The following OGFOD1 variants were observed in gnomAD, a reference collection of about 807,000 sequenced individuals.
OGFOD1 encodes the protein 2-oxoglutarate and iron dependent oxygenase domain containing 1.
A neutral mutation model predicts 67.7 loss-of-function variants in OGFOD1; 54 were observed. The observed-to-expected ratio is 0.80, with a 90% CI of 0.64 to 1.00. The LOEUF (loss-of-function observed/expected upper bound fraction) is 1.00, where lower values mean the gene tolerates loss of function less well. Ranked by LOEUF, OGFOD1 falls within the 50% of genes least tolerant of loss-of-function variation. The pLI, the probability that OGFOD1 is intolerant of heterozygous loss-of-function variation, is 0.00. For missense variants in OGFOD1, 606 were observed against 646.7 expected, an observed-to-expected ratio of 0.94 and a Z score of 0.68; for synonymous variants, 221 against 227.0, an observed-to-expected ratio of 0.97 and a Z score of 0.24.
intron 11 of OGFOD1, 26 bp downstream of exon 11, chr16:56,474,976 G>T (rs1463917305): frequency 6.2e-7 from 1 of 1,611,302 alleles, no homozygotes; most frequent in Admixed American, 1.7e-5. Flanking sequence ...GCAAGCGGTG[G>T]ATTATTCCCC....
chr16:56,470,369 C>CT, intron 9 of OGFOD1, 118 bp from the exon 10 acceptor site: 2 of 944,596 alleles, frequency 2.1e-6, no homozygotes, highest in Middle Eastern at 6.9e-4. Flanking sequence ...TAACTTGTGC[C>CT]TTAGTAAGCT....
At chr16:56,462,361 A>G (rs1264687025) in intron 3 of OGFOD1, among the ~76,000 whole-genome samples, 173 bp from the exon 4 acceptor site, 2 of 152,210 alleles carry the variant, frequency 1.3e-5, no homozygotes, top group East Asian at 3.8e-4. Flanking sequence ...GACTTAAACT[A>G]TGCAAATTTG....
At position 56,476,058 on chromosome 16, in the gene OGFOD1, T is replaced by C. The variant is rs748084781; in HGVS notation, c.1482T>C (p.Asn494=). Residue 494 remains asparagine (N), a synonymous_variant, in exon 13 of 13, where the codon AAT becomes AAC. Transcript: ENST00000566157. ...GTCTTTTTCAGCTGCTAACAGTGAA[T>C]CCAGAAAGCAATTCTTTGGCATTGG... ...KGEDEELLTV[N]PESNSLALVY... 6.2e-7 allele frequency: 1 copy of C among 1,611,868 alleles called. No individual in the cohort carries two copies. The highest frequency in any genetic ancestry group is 8.5e-7 in the Non-Finnish European group (1 of 1,179,328).
At chr16:56,453,048 A>C (rs1448344460) in intron 1 of OGFOD1, among the ~76,000 whole-genome samples, 1 of 152,240 alleles carries the variant, frequency 6.6e-6, no homozygotes, top group African/African-American at 2.4e-5. Context: ...ACTCATCTCA[A>C]GGACTGGAGT....
chr16:56,467,095 G>A, intron 6 of OGFOD1, 70 bp from the exon 7 acceptor site: 1 of 1,604,290 alleles, frequency 6.2e-7, no homozygotes, highest in Non-Finnish European at 8.5e-7. Flanking sequence ...GGAGGACCCT[G>A]AAATTAATGT....
intron 8 of OGFOD1, 139 bp downstream of exon 8, chr16:56,468,157 C>A: frequency 1.6e-6 from 1 of 608,252 alleles, no homozygotes. Context: ...TCAAGTGAAA[C>A]ATAGAAATGA....
At position 56,453,228 on chromosome 16, in the gene OGFOD1, GA is replaced by G. The variant is rs772900220; in HGVS notation, c.155-29del. 17 of 1,584,456 alleles carry G rather than the reference GA, an allele frequency of 1.1e-5. No individual in the cohort carries two copies. The East Asian group carries it at 3.6e-4, about 33-fold the overall frequency. ...TACTTGGATGTCAAAAATACAAAAGGAAAAAAGCCATAGATAATGTTTTTCT... is the reference window on the plus strand; with the variant it reads ...TACTTGGATGTCAAAAATACAAAAGGAAAAAGCCATAGATAATGTTTTTCT... On this transcript the variant is annotated intron_variant, in intron 1 of 12. Transcript: ENST00000566157.
intron 4 of OGFOD1, among the ~76,000 whole-genome samples, chr16:56,464,982 A>C (rs954639587): frequency 6.6e-6 from 1 of 151,228 alleles, no homozygotes; most frequent in Admixed American, 6.6e-5. Flanking sequence ...ACACACATAC[A>C]TTTACATTTG....
At chr16:56,469,354 T>G (rs1381959929) in intron 8 of OGFOD1, among the ~76,000 whole-genome samples, 1 of 152,116 alleles carries the variant, frequency 6.6e-6, no homozygotes, top group African/African-American at 2.4e-5. Context: ...CCTCAAAACA[T>G]CTTGTGAGTT....
In OGFOD1 at chr16:56,476,202, A is replaced by ATGAC. The variant is rs1265958147; in HGVS notation, c.1627_*1dup. 6.2e-7 allele frequency: 1 copy of ATGAC among 1,610,242 alleles called. No homozygotes were observed. The highest frequency in any genetic ancestry group is 8.5e-7 in the Non-Finnish European group (1 of 1,179,486). On this transcript the variant is annotated frameshift_variant and stop_retained_variant, in exon 13 of 13. Transcript: ENST00000566157. LOFTEE classifies it high-confidence loss of function. ...GGGACTTTTCATTCATCTATTATGAATGACAGCACTGGGCAAAGCTGAACA... is the reference window on the plus strand; with the variant it reads ...GGGACTTTTCATTCATCTATTATGAATGACTGACAGCACTGGGCAAAGCTGAACA...
At chr16:56,460,993 T>C (rs1204595021) in intron 3 of OGFOD1, among the ~76,000 whole-genome samples, 1 of 152,226 alleles carries the variant, frequency 6.6e-6, no homozygotes, top group East Asian at 1.9e-4. Flanking sequence ...TCTATTGGTA[T>C]CCTGTTAGCA....
chr16:56,456,015 A>G (rs911458320), intron 2 of OGFOD1, among the ~76,000 whole-genome samples: 2 of 152,216 alleles, frequency 1.3e-5, no homozygotes, highest in African/African-American at 2.4e-5. Flanking sequence ...CTCTCCTGTC[A>G]GTCTCTGGTA....
At chr16:56,460,854 G>A (rs949642618) in intron 3 of OGFOD1, among the ~76,000 whole-genome samples, 6 of 152,156 alleles carry the variant, frequency 3.9e-5, no homozygotes, top group Admixed American at 1.3e-4. Flanking sequence ...TTTTTAAAAT[G>A]TTTTAATTCC....
At chr16:56,467,316 TTA>T (rs1962945983) in intron 7 of OGFOD1, 23 bp downstream of exon 7, 4 of 1,613,442 alleles carry the variant, frequency 2.5e-6, no homozygotes. Context: ...GCTGATATCC[TTA>T]TCTTAGGAGC....
At chr16:56,454,709 C>T in intron 2 of OGFOD1, 1 of 374,682 alleles carries the variant, frequency 2.7e-6, no homozygotes, top group Non-Finnish European at 5.2e-6. Flanking sequence ...TGCATTTTCC[C>T]ATTTTATTTT....
chr16:56,470,820 T>G lies in OGFOD1; in HGVS notation c.1285+29T>G, dbSNP rs532401825. The G allele has an allele frequency of 2.0e-6, 3 of 1,530,036 alleles. No homozygotes were observed. The South Asian group carries it at 3.9e-5, about 20-fold the overall frequency. The allele number at this position is 1,530,036 out of a possible 1,614,324, so 94.8% of individuals were successfully genotyped here. A position where few individuals can be genotyped will look rare whatever the true frequency, so the allele number is the denominator to read the frequency against. On this transcript the variant is annotated intron_variant, in intron 10 of 12. Transcript: ENST00000566157. ...AGCTGTTGTTAGGATTTGTCCTTACTTACCATTAACCATTCACCATTCAAA... is the reference window on the plus strand; with the variant it reads ...AGCTGTTGTTAGGATTTGTCCTTACGTACCATTAACCATTCACCATTCAAA...
chr16:56,470,356 T>C, intron 9 of OGFOD1, 131 bp from the exon 10 acceptor site: 1 of 839,872 alleles, frequency 1.2e-6, no homozygotes, highest in Non-Finnish European at 1.9e-6. Flanking sequence ...CTCACTATTG[T>C]AATAACTTGT....
In OGFOD1 at chr16:56,471,949, A is replaced by T. The variant is rs185935225; in HGVS notation, c.1285+1158A>T. 1.0e-4 allele frequency among the ~76,000 whole-genome samples: 15 copies of T among 145,012 alleles called. 1 individual carries two copies. In the East Asian group the frequency reaches 2.4e-3, roughly 23 times the overall value. On this transcript the variant is annotated intron_variant, in intron 10 of 12. Coordinates refer to ENST00000566157, the MANE Select transcript of OGFOD1 (RefSeq NM_018233.4). The stretch of plus-strand genomic sequence containing the variant: ...AAGGGATTTTTTAAAAAACTTATCC[A>T]CTTCTGTTTGTTTGTTTGTTTGTTT...
At chr16:56,466,620 C>G (rs530830057) in intron 5 of OGFOD1, among the ~76,000 whole-genome samples, 9 of 152,276 alleles carry the variant, frequency 5.9e-5, no homozygotes, top group African/African-American at 2.2e-4. Flanking sequence ...TTTTGAATGT[C>G]TAGCACCAGA....
Sources: allele counts gnomAD v4.1 joint callset (sites outside exome capture counted in the v4.1 genomes callset), GRCh38; gene constraint gnomAD v4.1.1; transcripts MANE v1.5; gene names NCBI Gene and HGNC (gene_info 2026-07-23, HGNC 2026-07-21).